Variants in SMYD3 observed in about 807,000 individuals in gnomAD.
The protein encoded by SMYD3 is histone-lysine N-methyltransferase SMYD3.
Under a neutral mutation model 57.7 loss-of-function variants are expected in SMYD3, and 36 were observed. The observed-to-expected ratio is 0.62, with a 90% CI of 0.48 to 0.82. SMYD3 has a LOEUF of 0.82. SMYD3 is among the 40% of genes least tolerant of loss of function. The probability of loss-of-function intolerance (pLI) is 0.00; values close to 1 mark genes in which losing one functional copy is unlikely to be tolerated. For synonymous variants in SMYD3, 211 were observed against 195.0 expected, an observed-to-expected ratio of 1.08 and a Z score of -0.68; for missense variants, 515 against 538.8, an observed-to-expected ratio of 0.96 and a Z score of 0.44.
intron 2 of SMYD3, among the ~76,000 whole-genome samples, chr1:246,341,456 A>G (rs2148681292): frequency 6.6e-6 from 1 of 152,360 alleles, no homozygotes; most frequent in East Asian, 1.9e-4. Context: ...AGTACCAATT[A>G]AGTACACCTT....
At chr1:246,496,304 G>A (rs1185203190) in intron 1 of SMYD3, among the ~76,000 whole-genome samples, 2 of 151,996 alleles carry the variant, frequency 1.3e-5, no homozygotes, top group Non-Finnish European at 2.9e-5. Context: ...AAGGTGCTGG[G>A]ATTACAGGCG....
intron 5 of SMYD3, among the ~76,000 whole-genome samples, chr1:246,274,061 C>T (rs957050079): frequency 2.0e-5 from 3 of 152,080 alleles, no homozygotes; most frequent in Non-Finnish European, 2.9e-5. Flanking sequence ...TTAGACCTAT[C>T]GATCATGTCA....
At chr1:245,961,143 T>C (rs1306732003) in intron 5 of SMYD3, among the ~76,000 whole-genome samples, 1 of 152,104 alleles carries the variant, frequency 6.6e-6, no homozygotes, top group Non-Finnish European at 1.5e-5. Context: ...GAGATGGTGG[T>C]CTACTCTGCA....
intron 10 of SMYD3, among the ~76,000 whole-genome samples, chr1:245,804,035 T>C (rs1339785495): frequency 3.3e-5 from 5 of 151,484 alleles, no homozygotes; most frequent in Admixed American, 6.6e-5. Flanking sequence ...GCCTCAGACT[T>C]CCAAGCAGCT....
intron 11 of SMYD3, among the ~76,000 whole-genome samples, chr1:245,752,171 T>C (rs1414441592): frequency 1.3e-5 from 2 of 152,172 alleles, no homozygotes. Flanking sequence ...TCTTCCCTTT[T>C]ACTCAACAAA....
At chr1:246,416,596 G>A (rs1248103663) in intron 1 of SMYD3, among the ~76,000 whole-genome samples, 1 of 150,322 alleles carries the variant, frequency 6.7e-6, no homozygotes, top group African/African-American at 2.4e-5. Context: ...CATATAAAAT[G>A]AAAGTAAAGG....
chr1:245,761,173 AG>A (rs2045827906), intron 11 of SMYD3, among the ~76,000 whole-genome samples: 1 of 152,156 alleles, frequency 6.6e-6, no homozygotes, highest in Non-Finnish European at 1.5e-5. Flanking sequence ...ATTTAACCCC[AG>A]GCCTCATGAC....
intron 10 of SMYD3, among the ~76,000 whole-genome samples, chr1:245,798,454 G>C (rs79478668): frequency 4.1e-4 from 2 of 4,882 alleles, no homozygotes; most frequent in African/African-American, 1.2e-3. Flanking sequence ...ATAAAAATAT[G>C]CACACACATA....
chr1:246,143,261 T>C (rs1029734730), intron 5 of SMYD3, among the ~76,000 whole-genome samples: 10 of 152,112 alleles, frequency 6.6e-5, no homozygotes, highest in African/African-American at 2.4e-4. Context: ...CTGCAAGAAA[T>C]ACGTCTTCCC....
intron 5 of SMYD3, among the ~76,000 whole-genome samples, chr1:246,306,369 ATC>A (rs1395699649): frequency 3.3e-5 from 5 of 152,150 alleles, no homozygotes; most frequent in African/African-American, 4.8e-5. Flanking sequence ...AGCGGGGTGT[ATC>A]TTCAAACTTT....
At chr1:245,822,716 C>G (rs1241005986) in intron 10 of SMYD3, among the ~76,000 whole-genome samples, 1 of 152,150 alleles carries the variant, frequency 6.6e-6, no homozygotes, top group Non-Finnish European at 1.5e-5. Flanking sequence ...AGCAATCCCA[C>G]CAACCTCTCA....
intron 10 of SMYD3, among the ~76,000 whole-genome samples, chr1:245,812,701 C>CAA (rs10636374): frequency 0.55 from 71,584 of 130,728 alleles, 20,569 homozygotes; most frequent in Middle Eastern, 0.71. Flanking sequence ...ACAACAGTTC[C>CAA]AAAAAAAAAA....
chr1:246,160,632 G>T (rs2062101605), intron 5 of SMYD3, among the ~76,000 whole-genome samples: 1 of 152,206 alleles, frequency 6.6e-6, no homozygotes, highest in Admixed American at 6.5e-5. Flanking sequence ...TCTAGGAGAA[G>T]TGAGAAAGGC....
At chr1:246,192,845 T>C (rs2062761889) in intron 5 of SMYD3, among the ~76,000 whole-genome samples, 1 of 152,068 alleles carries the variant, frequency 6.6e-6, no homozygotes, top group South Asian at 2.1e-4. Context: ...TCCTGGGATC[T>C]TTACATTTTC....
chr1:246,402,286 C>T (rs746387693), intron 1 of SMYD3, among the ~76,000 whole-genome samples: 9 of 147,108 alleles, frequency 6.1e-5, no homozygotes, highest in Non-Finnish European at 8.9e-5. Context: ...AACTATTTTC[C>T]AAATTTATAA....
chr1:246,363,021 G>A (rs1172906661), intron 1 of SMYD3, among the ~76,000 whole-genome samples: 2 of 150,966 alleles, frequency 1.3e-5, no homozygotes, highest in South Asian at 2.1e-4. Context: ...AGTGAGGAGC[G>A]TCTCTGCCCG....
At chr1:245,986,022 T>C (rs1329680658) in intron 5 of SMYD3, among the ~76,000 whole-genome samples, 1 of 152,142 alleles carries the variant, frequency 6.6e-6, no homozygotes, top group East Asian at 1.9e-4. Flanking sequence ...TTATACAACA[T>C]ACATCAGTGA....
At chr1:245,868,607 C>G (rs896758189) in intron 8 of SMYD3, among the ~76,000 whole-genome samples, 2 of 152,166 alleles carry the variant, frequency 1.3e-5, no homozygotes, top group Non-Finnish European at 2.9e-5. Flanking sequence ...TGATCCTAAG[C>G]CTTTATTTGC....
intron 5 of SMYD3, among the ~76,000 whole-genome samples, chr1:246,282,326 A>C (rs1572333898): frequency 7.2e-6 from 1 of 139,246 alleles, no homozygotes; most frequent in African/African-American, 2.6e-5. Context: ...AAAAAAAAAA[A>C]AAAAAAAAAA....
Sources: allele counts gnomAD v4.1 joint callset (sites outside exome capture counted in the v4.1 genomes callset), GRCh38; gene constraint gnomAD v4.1.1; transcripts MANE v1.5; gene names NCBI Gene and HGNC (gene_info 2026-07-23, HGNC 2026-07-21).